The following ZFP2 variants were observed in gnomAD, a reference collection of about 807,000 sequenced individuals.
ZFP2 encodes zinc finger protein ZFP2.
ZFP2 carries 33 observed loss-of-function variants against 36.1 expected under a neutral mutation model. The observed-to-expected ratio is 0.92, with a 90% CI of 0.69 to 1.22. The LOEUF is 1.22. Among genes scored for constraint, ZFP2 ranks in the 50% most tolerant of loss-of-function variants. The pLI, the probability that ZFP2 is intolerant of heterozygous loss-of-function variation, is 0.00. For synonymous variants in ZFP2, 170 were observed against 178.0 expected (o/e 0.96, Z 0.36); for missense variants, 522 against 551.4 (o/e 0.95, Z 0.53).
chr5:178,932,775 T>A lies in ZFP2; in HGVS notation c.*76T>A. The A allele has an allele frequency of 6.8e-7, 1 of 1,474,052 alleles. No homozygotes were observed. Among genetic ancestry groups the A allele is most frequent in the Non-Finnish European group, 9.0e-7 (1 of 1,105,094 alleles). 91.3% of individuals were successfully genotyped at this position (1,474,052 alleles called of 1,614,324 possible). ...ATATGAGACATACAATGTAGAAACCTAATAAATGTAATGATTGTGGGAATC... is the reference window on the plus strand; with the variant it reads ...ATATGAGACATACAATGTAGAAACCAAATAAATGTAATGATTGTGGGAATC... On this transcript the variant is annotated 3_prime_UTR_variant, in exon 5 of 5. Transcript: ENST00000361362.
chr5:178,928,348 T>A (rs898848773), intron 4 of ZFP2, among the ~76,000 whole-genome samples: 2 of 152,174 alleles, frequency 1.3e-5, no homozygotes, highest in Admixed American at 6.5e-5. Flanking sequence ...AGTCTCATCT[T>A]AGACAAGGCA....
Position 178,916,613 on chromosome 5 carries a change from T to C in ZFP2, c.-175T>C, listed in dbSNP as rs1191908073. 1.0e-6 allele frequency: 1 copy of C among 977,272 alleles called. No individual in the cohort carries two copies. Among genetic ancestry groups the C allele is most frequent in the African/African-American group, 1.8e-5 (1 of 55,046 alleles). The allele number at this position is 977,272 out of a possible 1,614,324, so 60.5% of individuals were successfully genotyped here. A position where few individuals can be genotyped will look rare whatever the true frequency, so the allele number is the denominator to read the frequency against. On this transcript the variant is annotated 5_prime_UTR_variant, in exon 4 of 5. Transcript: ENST00000361362. ...ATTAATCTGACATTTAGTCCTCTCA[T>C]TATCCTGTCCCAGTCAAGGGGAGAA...
Position 178,915,469 on chromosome 5 carries a change from G to A in ZFP2, c.-223-1096G>A, listed in dbSNP as rs375125188. Among the ~76,000 whole-genome samples, 11 of 151,264 alleles carry A rather than the reference G, an allele frequency of 7.3e-5. 1 individual carries two copies. In the South Asian group the frequency reaches 1.3e-3, roughly 17 times the overall value. On this transcript the variant is annotated intron_variant, in intron 3 of 4. Coordinates refer to ENST00000361362, the MANE Select transcript of ZFP2 (RefSeq NM_030613.4). ...GCTGGGACTACAGGTGCACACTGCC[G>A]TGCCCGGCTAATTTTTTGCATTTTA... is the stretch of plus-strand genomic sequence containing the variant.
intron 1 of ZFP2, among the ~76,000 whole-genome samples, chr5:178,911,483 C>A (rs934302525): frequency 6.6e-6 from 1 of 152,176 alleles, no homozygotes; most frequent in Non-Finnish European, 1.5e-5. Flanking sequence ...TCTCCTTCCT[C>A]CTCCTCTGCC....
rs75814988 is a variant in ZFP2, at chr5:178,916,684, C to T, written c.-104C>T. On this transcript the variant is annotated 5_prime_UTR_variant, in exon 4 of 5. Coordinates refer to ENST00000361362, the MANE Select transcript of ZFP2 (RefSeq NM_030613.4). ...CTCAGCTCTTCCACAGCCAGCATCTCACTTACTTGACACAAAACATCTATA... is the reference window on the plus strand; with the variant it reads ...CTCAGCTCTTCCACAGCCAGCATCTTACTTACTTGACACAAAACATCTATA... 0.11 allele frequency: 111,809 copies of T among 985,042 alleles called. 6,454 individuals carry two copies. The highest frequency in any genetic ancestry group is 0.12 in the Non-Finnish European group (99,905 of 829,598). The allele number at this position is 985,042 out of a possible 1,614,324, so 61.0% of individuals were successfully genotyped here.
chr5:178,915,916 T>C (rs1201558500), intron 3 of ZFP2: 2 of 152,190 alleles, frequency 1.3e-5, no homozygotes, highest in African/African-American at 4.8e-5. Context: ...TACTTAAATA[T>C]TTGTTGAGTG....
At chr5:178,919,796 T>G (rs1168512513) in intron 4 of ZFP2, among the ~76,000 whole-genome samples, 1 of 152,126 alleles carries the variant, frequency 6.6e-6, no homozygotes, top group East Asian at 1.9e-4. Flanking sequence ...ACCCTTTCTC[T>G]GCAAAAAATA....
chr5:178,926,381 A>G (rs1758670187), intron 4 of ZFP2, among the ~76,000 whole-genome samples: 1 of 152,220 alleles, frequency 6.6e-6, no homozygotes, highest in Non-Finnish European at 1.5e-5. Flanking sequence ...CTAATAGTGT[A>G]AATGGATTCT....
At chr5:178,916,854 C>A in intron 4 of ZFP2, 144 bp downstream of exon 4, 1 of 548,634 alleles carries the variant, frequency 1.8e-6, no homozygotes, top group Non-Finnish European at 2.3e-6. Context: ...CCTTGCCCTG[C>A]TGTGTTGTTA....
chr5:178,904,660 C>A (rs933442854), intron 1 of ZFP2, among the ~76,000 whole-genome samples: 5 of 147,254 alleles, frequency 3.4e-5, no homozygotes, highest in East Asian at 2.0e-4. Context: ...GTTGTAGTAC[C>A]ACACTATTGT....
chr5:178,919,984 G>T (rs1269849130), intron 4 of ZFP2, among the ~76,000 whole-genome samples: 2 of 151,648 alleles, frequency 1.3e-5, no homozygotes, highest in Admixed American at 6.6e-5. Flanking sequence ...AAAAAAATTT[G>T]ATTATGATGC....
intron 1 of ZFP2, among the ~76,000 whole-genome samples, chr5:178,906,035 G>A (rs918009273): frequency 1.3e-5 from 2 of 152,292 alleles, no homozygotes; most frequent in East Asian, 1.9e-4. Context: ...TATTACAGGC[G>A]TGAGCCACCA....
At chr5:178,911,606 A>G (rs1194695174) in intron 1 of ZFP2, among the ~76,000 whole-genome samples, 1 of 152,204 alleles carries the variant, frequency 6.6e-6, no homozygotes, top group Non-Finnish European at 1.5e-5. Context: ...ACACTAGGCT[A>G]TTAGGAGTTA....
chr5:178,909,812 G>T (rs573010201), intron 1 of ZFP2: 7 of 1,592,528 alleles, frequency 4.4e-6, no homozygotes, highest in Non-Finnish European at 6.0e-6. Flanking sequence ...CAAAGGTGTC[G>T]AAGAGATTTG....
chr5:178,902,708 C>T (rs545182044), intron 1 of ZFP2, among the ~76,000 whole-genome samples: 1 of 152,296 alleles, frequency 6.6e-6, no homozygotes, highest in Admixed American at 6.5e-5. Flanking sequence ...CTCTTGTCTC[C>T]AAGCTCCCTA....
At chr5:178,901,487 A>G (rs1023988178) in intron 1 of ZFP2, among the ~76,000 whole-genome samples, 2 of 152,116 alleles carry the variant, frequency 1.3e-5, no homozygotes, top group African/African-American at 4.8e-5. Context: ...CCTAGCTTCT[A>G]GCTTCTGGTG....
At chr5:178,918,143 T>C (rs1758480326) in intron 4 of ZFP2, among the ~76,000 whole-genome samples, 1 of 152,266 alleles carries the variant, frequency 6.6e-6, no homozygotes, top group Non-Finnish European at 1.5e-5. Flanking sequence ...TTTCTCTTGC[T>C]AAAATATGTT....
intron 4 of ZFP2, among the ~76,000 whole-genome samples, chr5:178,921,131 C>T (rs137984125): frequency 1.5e-3 from 234 of 152,258 alleles, no homozygotes; most frequent in African/African-American, 5.0e-3. Context: ...ATTTAAGCAG[C>T]GGTCCCTCTT....
In ZFP2 at chr5:178,932,538, C is replaced by T; in HGVS notation, c.1225C>T (p.Pro409Ser). The change falls in exon 5 of 5, where the codon CCC (proline) becomes TCC (serine). Residue 409 changes from proline to serine, a missense_variant. Physicochemically the swap from Pro to Ser is moderately conservative, Grantham distance 74. Transcript: ENST00000361362. ...EHQRIHTGEK[P>S]YECDQCGKAF... The stretch of plus-strand genomic sequence containing the variant: ...TCAAAGAATTCATACTGGTGAGAAA[C>T]CCTATGAATGTGATCAGTGTGGAAA... The T allele has an allele frequency of 6.2e-7, 1 of 1,614,098 alleles. No individual in the cohort carries two copies. Among genetic ancestry groups the T allele is most frequent in the East Asian group, 2.2e-5 (1 of 44,872 alleles).
Sources: gnomAD v4.1 joint callset for allele counts (sites outside exome capture counted in the v4.1 genomes callset) on GRCh38, gnomAD v4.1.1 for gene constraint, MANE v1.5 for transcripts, NCBI Gene and HGNC (gene_info 2026-07-23, HGNC 2026-07-21) for gene names.